Variants in PACRG observed in about 807,000 individuals in gnomAD.
PACRG encodes the protein parkin coregulated, also known as parkin coregulated gene protein.
In PACRG, 29 loss-of-function variants were observed where a neutral mutation model predicts 29.7. The ratio of observed to expected loss-of-function variants is 0.98; its 90% CI spans 0.73 to 1.33. PACRG has a LOEUF of 1.33. PACRG is among the 40% of genes most tolerant of loss of function. The probability of loss-of-function intolerance (pLI) is 0.00; values close to 1 mark genes in which losing one functional copy is unlikely to be tolerated. For synonymous variants in PACRG, 116 were observed against 118.7 expected, an observed-to-expected ratio of 0.98 and a Z score of 0.15; for missense variants, 279 against 316.2, an observed-to-expected ratio of 0.88 and a Z score of 0.89.
chr6:163,081,049 A>G (rs886725116), intron 3 of PACRG, among the ~76,000 whole-genome samples: 3 of 152,156 alleles, frequency 2.0e-5, no homozygotes, highest in Non-Finnish European at 4.4e-5. Flanking sequence ...TTATATAGCA[A>G]TTGAGCTCTG....
chr6:162,736,392 G>A (rs557472325), intron 1 of PACRG, among the ~76,000 whole-genome samples: 2 of 151,366 alleles, frequency 1.3e-5, no homozygotes, highest in Non-Finnish European at 3.0e-5. Context: ...TGTGTAGATT[G>A]TATATATTTT....
chr6:163,267,693 T>A (rs1156520172), intron 4 of PACRG, among the ~76,000 whole-genome samples: 1 of 152,224 alleles, frequency 6.6e-6, no homozygotes, highest in African/African-American at 2.4e-5. Flanking sequence ...TAAGGTGTCA[T>A]AAAATGGTTT....
At chr6:162,775,799 G>A (rs765667881) in intron 1 of PACRG, among the ~76,000 whole-genome samples, 36 of 152,180 alleles carry the variant, frequency 2.4e-4, no homozygotes, top group African/African-American at 8.2e-4. Context: ...TAACACTTAC[G>A]TATTTTAACA....
chr6:163,294,950 T>G (rs993988981), intron 4 of PACRG, among the ~76,000 whole-genome samples: 1 of 152,244 alleles, frequency 6.6e-6, no homozygotes. Context: ...GTGGTTGAAC[T>G]TAACCTTTCT....
chr6:163,046,349 G>T (rs1011363335), intron 2 of PACRG, among the ~76,000 whole-genome samples: 1 of 83,108 alleles, frequency 1.2e-5, no homozygotes, highest in South Asian at 5.6e-4. Context: ...CCTTCATTTG[G>T]TACTTAATCA....
intron 2 of PACRG, among the ~76,000 whole-genome samples, chr6:163,040,600 A>G (rs1808603682): frequency 6.6e-6 from 1 of 152,218 alleles, no homozygotes; most frequent in Admixed American, 6.5e-5. Flanking sequence ...GGAGCTGCCT[A>G]AGGCCATGGG....
At chr6:162,874,231 C>T (rs1793094119) in intron 2 of PACRG, among the ~76,000 whole-genome samples, 1 of 151,010 alleles carries the variant, frequency 6.6e-6, no homozygotes, top group African/African-American at 2.4e-5. Flanking sequence ...AACTTTACTT[C>T]CTCCCCTCCA....
intron 2 of PACRG, among the ~76,000 whole-genome samples, chr6:162,958,880 TATATAGAGAGAG>T (rs1472973055): frequency 9.1e-4 from 15 of 16,504 alleles, no homozygotes; most frequent in East Asian, 5.4e-3. Flanking sequence ...TATATATATA[TATATAGAGAGAG>T]AGAGAGAGAG....
At chr6:162,947,297 C>CAT (rs59336348) in intron 2 of PACRG, among the ~76,000 whole-genome samples, 110,232 of 116,844 alleles carry the variant, frequency 0.94, 52,164 homozygotes, top group Middle Eastern at 0.98. Flanking sequence ...TACATATAAT[C>CAT]ATATAATATA....
intron 2 of PACRG, among the ~76,000 whole-genome samples, chr6:162,919,749 CCT>C (rs1178174754): frequency 2.0e-5 from 3 of 152,058 alleles, no homozygotes; most frequent in Non-Finnish European, 4.4e-5. Context: ...AAAAATGTAA[CCT>C]CATGTATATG....
At position 163,055,718 on chromosome 6, in the gene PACRG, C is replaced by T. The variant is rs1810525160; in HGVS notation, c.292-6432C>T. ...ATACACATAAAACTTACCATTTTTA[C>T]CATTTTTAAGTGTACACTTCAGTGG... On this transcript the variant is annotated intron_variant, in intron 2 of 4. Coordinates refer to ENST00000366888, the MANE Select transcript of PACRG (RefSeq NM_001080379.2). The surrounding 1 kb of genome is among the most constrained non-coding windows in gnomAD (Gnocchi z 4.0). Among the ~76,000 whole-genome samples the T allele has an allele frequency of 6.6e-6, 1 of 152,084 alleles. No individual in the cohort carries two copies. Among genetic ancestry groups the T allele is most frequent in the East Asian group, 1.9e-4 (1 of 5,186 alleles).
intron 2 of PACRG, among the ~76,000 whole-genome samples, chr6:162,871,889 C>T (rs1322968070): frequency 6.6e-6 from 1 of 151,636 alleles, no homozygotes; most frequent in East Asian, 1.9e-4. Context: ...TGCACTCCAG[C>T]CTGGGTGACA....
intron 1 of PACRG, among the ~76,000 whole-genome samples, chr6:162,737,428 A>G (rs996533015): frequency 6.6e-6 from 1 of 152,216 alleles, no homozygotes; most frequent in Non-Finnish European, 1.5e-5. Flanking sequence ...ATGATGGGGA[A>G]GATCTCAGAA....
chr6:163,260,127 C>G (rs1198167638), intron 4 of PACRG, among the ~76,000 whole-genome samples: 1 of 152,210 alleles, frequency 6.6e-6, no homozygotes, highest in Admixed American at 6.5e-5. Context: ...CTTCCCTTCC[C>G]GATGTTTTCC....
At chr6:162,732,852 A>G (rs1315689339) in intron 1 of PACRG, among the ~76,000 whole-genome samples, 1 of 152,198 alleles carries the variant, frequency 6.6e-6, no homozygotes, top group Non-Finnish European at 1.5e-5. Context: ...TATAGAAAAA[A>G]AGTCAAGATA....
At chr6:163,173,818 A>T (rs2128348842) in intron 4 of PACRG, among the ~76,000 whole-genome samples, 1 of 152,320 alleles carries the variant, frequency 6.6e-6, no homozygotes, top group Non-Finnish European at 1.5e-5. Flanking sequence ...TTCCTAGTTA[A>T]AACCTTGGGG....
At chr6:163,256,075 T>C (rs1783094192) in intron 4 of PACRG, among the ~76,000 whole-genome samples, 2 of 152,264 alleles carry the variant, frequency 1.3e-5, no homozygotes, top group Non-Finnish European at 2.9e-5. Flanking sequence ...CATGTACTAT[T>C]CTACGTTCTG....
intron 4 of PACRG, among the ~76,000 whole-genome samples, chr6:163,117,491 C>A (rs552941100): frequency 2.6e-5 from 4 of 152,194 alleles, no homozygotes; most frequent in African/African-American, 9.7e-5. Context: ...GTAGCTCATG[C>A]CTGTAATCCC....
intron 2 of PACRG, among the ~76,000 whole-genome samples, chr6:162,933,851 G>A (rs1006750094): frequency 2.6e-5 from 4 of 152,166 alleles, no homozygotes; most frequent in African/African-American, 7.2e-5. Context: ...TTTCATCATG[G>A]TGGAAGGCAA....
Sources: gnomAD v4.1 joint callset for allele counts (sites outside exome capture counted in the v4.1 genomes callset) on GRCh38, gnomAD v4.1.1 for gene constraint, Gnocchi (gnomAD v3.1) non-coding constraint, MANE v1.5 for transcripts, NCBI Gene and HGNC (gene_info 2026-07-23, HGNC 2026-07-21) for gene names.